Variants in NTNG1 observed in about 807,000 individuals in gnomAD.
NTNG1 encodes the protein netrin-G1.
In NTNG1, 16 loss-of-function variants were observed where a neutral mutation model predicts 54.0. The ratio of observed to expected loss-of-function variants is 0.30; its 90% CI spans 0.20 to 0.45. The LOEUF is 0.45. Among genes scored for constraint, NTNG1 ranks in the 20% least tolerant of loss-of-function variants. The probability of loss-of-function intolerance (pLI) is 1.00; values close to 1 mark genes in which losing one functional copy is unlikely to be tolerated. For missense variants in NTNG1, 530 were observed against 678.7 expected (o/e 0.78, Z 2.43); for synonymous variants, 255 against 263.1 (o/e 0.97, Z 0.30).
At chr1:107,282,626 G>A (rs1664937368) in intron 2 of NTNG1, among the ~76,000 whole-genome samples, 1 of 152,056 alleles carries the variant, frequency 6.6e-6, no homozygotes. Context: ...CTGAAGAGAA[G>A]GCCTGCCCAC....
intron 2 of NTNG1, among the ~76,000 whole-genome samples, chr1:107,207,324 C>T (rs1185631613): frequency 1.3e-5 from 2 of 152,180 alleles, no homozygotes; most frequent in Admixed American, 1.3e-4. Context: ...CTGTGAAAAA[C>T]TCCTCTGTGG....
chr1:107,273,266 T>G (rs932027669), intron 2 of NTNG1, among the ~76,000 whole-genome samples: 1 of 152,080 alleles, frequency 6.6e-6, no homozygotes, highest in African/African-American at 2.4e-5. Context: ...GTGGAGAATG[T>G]ATAGAACTGG....
At chr1:107,297,360 A>T (rs1177956939) in intron 2 of NTNG1, among the ~76,000 whole-genome samples, 2 of 151,632 alleles carry the variant, frequency 1.3e-5, no homozygotes, top group African/African-American at 4.8e-5. Context: ...AAACAGAGGC[A>T]GTGGTGATAG....
chr1:107,191,903 C>T (rs909299996), intron 2 of NTNG1, among the ~76,000 whole-genome samples: 5 of 151,792 alleles, frequency 3.3e-5, no homozygotes, highest in African/African-American at 1.2e-4. Flanking sequence ...ATTGACTTGG[C>T]GATGCGGGCT....
intron 3 of NTNG1, among the ~76,000 whole-genome samples, chr1:107,361,389 A>T (rs865802719): frequency 0.013 from 934 of 74,536 alleles, 13 homozygotes; most frequent in African/African-American, 0.033. Context: ...ATATATATAT[A>T]TATTTTTTTT....
At chr1:107,425,930 A>C (rs1674882322) in intron 5 of NTNG1, among the ~76,000 whole-genome samples, 1 of 152,132 alleles carries the variant, frequency 6.6e-6, no homozygotes, top group African/African-American at 2.4e-5. Context: ...TCTGTTGATT[A>C]GTGATACTGA....
rs1378800560 is a variant in NTNG1, at chr1:107,250,721, C to CA, written c.247-73561_247-73560insA. The stretch of plus-strand genomic sequence containing the variant: ...GTGTCCAGAATCCAGGCAAGAGGGT[C>CA]GGCCCTGCGTCAACCAGTCATTGGA... On this transcript the variant is annotated intron_variant, in intron 2 of 7. Coordinates refer to ENST00000370068, the MANE Select transcript of NTNG1 (RefSeq NM_001113226.3). Among the ~76,000 whole-genome samples the CA allele has an allele frequency of 1.0e-3, 5 of 5,022 alleles. No individual in the cohort carries two copies. In the South Asian group the frequency reaches 0.12, roughly 116 times the overall value. 3.3% of individuals were successfully genotyped at this position (5,022 alleles called of 152,430 possible).
chr1:107,259,847 A>T (rs1241786617), intron 2 of NTNG1, among the ~76,000 whole-genome samples: 2 of 152,150 alleles, frequency 1.3e-5, no homozygotes, highest in Non-Finnish European at 2.9e-5. Flanking sequence ...ATTATTAAAA[A>T]TCTTTATAGT....
intron 2 of NTNG1, among the ~76,000 whole-genome samples, chr1:107,273,234 G>A (rs1318262628): frequency 2.6e-5 from 4 of 152,158 alleles, no homozygotes; most frequent in Non-Finnish European, 5.9e-5. Context: ...GAATAGCCGG[G>A]AAGTGAGTGC....
intron 2 of NTNG1, among the ~76,000 whole-genome samples, chr1:107,174,792 A>G (rs2101106358): frequency 1.3e-5 from 2 of 152,192 alleles, no homozygotes; most frequent in South Asian, 4.1e-4. Flanking sequence ...CTGAGAGTTG[A>G]AAATTTATCT....
intron 3 of NTNG1, among the ~76,000 whole-genome samples, chr1:107,332,110 T>G: frequency 6.6e-6 from 1 of 152,122 alleles, no homozygotes; most frequent in African/African-American, 2.4e-5. Context: ...TGGAGCATAT[T>G]TTTAAAATCT....
rs533177746 is a variant in NTNG1, at chr1:107,317,381, A to G, written c.247-6901A>G. Among the ~76,000 whole-genome samples the G allele has an allele frequency of 2.6e-5, 4 of 152,258 alleles. No individual in the cohort carries two copies. In the South Asian group the frequency reaches 8.3e-4, roughly 32 times the overall value. Reference sequence around the variant, plus strand: ...TTATTAGTGATTTTTTAAAGAAAATATTTTTTAAAAAGCAACCTCCCTACC... The same window carrying G: ...TTATTAGTGATTTTTTAAAGAAAATGTTTTTTAAAAAGCAACCTCCCTACC... On this transcript the variant is annotated intron_variant, in intron 2 of 7. Coordinates refer to ENST00000370068, the MANE Select transcript of NTNG1 (RefSeq NM_001113226.3).
chr1:107,181,582 A>G (rs936829580), intron 2 of NTNG1, among the ~76,000 whole-genome samples: 6 of 21,038 alleles, frequency 2.9e-4, no homozygotes, highest in Non-Finnish European at 9.6e-4. Flanking sequence ...CTTTTAAGTA[A>G]TAGCCACACA....
intron 2 of NTNG1, among the ~76,000 whole-genome samples, chr1:107,154,607 A>AC (rs1403426197): frequency 3.3e-5 from 5 of 149,822 alleles, no homozygotes; most frequent in African/African-American, 1.2e-4. Flanking sequence ...AAAAAAAAAA[A>AC]AAAAAAAAAA....
chr1:107,279,671 A>G (rs750164795), intron 2 of NTNG1, among the ~76,000 whole-genome samples: 38 of 152,192 alleles, frequency 2.5e-4, no homozygotes, highest in Non-Finnish European at 4.7e-4. Context: ...ATTAACTTTA[A>G]AAGAGTGAAA....
chr1:107,296,768 A>G (rs1023889098), intron 2 of NTNG1, among the ~76,000 whole-genome samples: 8 of 148,442 alleles, frequency 5.4e-5, no homozygotes, highest in African/African-American at 1.5e-4. Context: ...CCAGTTATAT[A>G]TGTTATGTAA....
At chr1:107,278,856 G>C (rs1169274916) in intron 2 of NTNG1, among the ~76,000 whole-genome samples, 1 of 152,092 alleles carries the variant, frequency 6.6e-6, no homozygotes, top group Non-Finnish European at 1.5e-5. Context: ...TTCTCAACAT[G>C]AGAATTTTAA....
chr1:107,197,770 C>A (rs542415778), intron 2 of NTNG1, among the ~76,000 whole-genome samples: 1 of 152,078 alleles, frequency 6.6e-6, no homozygotes, highest in East Asian at 1.9e-4. Flanking sequence ...CTCTGTGTGG[C>A]ACCTTGCCCA....
At chr1:107,473,478 C>T (rs1193340385) in intron 7 of NTNG1, among the ~76,000 whole-genome samples, 1 of 152,154 alleles carries the variant, frequency 6.6e-6, no homozygotes, top group Admixed American at 6.6e-5. Flanking sequence ...TTTTCCATAC[C>T]TTCCAGAAAG....
Sources: allele counts gnomAD v4.1 joint callset (sites outside exome capture counted in the v4.1 genomes callset), GRCh38; gene constraint gnomAD v4.1.1; transcripts MANE v1.5; gene names NCBI Gene and HGNC (gene_info 2026-07-23, HGNC 2026-07-21).